The following PIBF1 variants were observed in gnomAD, a reference collection of about 807,000 sequenced individuals.
PIBF1 encodes progesterone-induced-blocking factor 1.
In PIBF1, 90 loss-of-function variants were observed where a neutral mutation model predicts 112.5. The ratio of observed to expected loss-of-function variants is 0.80; its 90% confidence interval spans 0.67 to 0.95. The LOEUF (loss-of-function observed/expected upper bound fraction) is 0.95. Ranked by LOEUF, PIBF1 falls within the 40% of genes least tolerant of loss-of-function variation. PIBF1 has a pLI of 0.00. For missense variants in PIBF1, 915 were observed against 852.3 expected (o/e 1.07, Z -0.92); for synonymous variants, 301 against 288.6 (o/e 1.04, Z -0.44).
chr13:72,985,562 A>C (rs2043262403), intron 16 of PIBF1, among the ~76,000 whole-genome samples: 1 of 151,144 alleles, frequency 6.6e-6, no homozygotes, highest in Admixed American at 6.6e-5. Flanking sequence ...GAAAAAGAAA[A>C]AGAAAATATT....
chr13:72,845,265 T>G (rs1451537677), intron 9 of PIBF1, among the ~76,000 whole-genome samples: 1 of 152,142 alleles, frequency 6.6e-6, no homozygotes, highest in African/African-American at 2.4e-5. Flanking sequence ...CTGTGTTTGC[T>G]GAGGATGATG....
At chr13:72,937,574 C>T (rs1000947466) in intron 14 of PIBF1, among the ~76,000 whole-genome samples, 2 of 152,070 alleles carry the variant, frequency 1.3e-5, no homozygotes, top group Admixed American at 6.6e-5. Context: ...AATCCTAGCA[C>T]TTTGAGAGGC....
intron 10 of PIBF1, among the ~76,000 whole-genome samples, chr13:72,889,254 T>C (rs1329397048): frequency 2.6e-5 from 4 of 152,186 alleles, no homozygotes; most frequent in Admixed American, 2.0e-4. Flanking sequence ...CTTCTGTCCT[T>C]GTCGACTCCA....
chr13:72,971,363 A>G (rs1367432405), intron 15 of PIBF1, among the ~76,000 whole-genome samples: 1 of 152,180 alleles, frequency 6.6e-6, no homozygotes, highest in East Asian at 1.9e-4. Context: ...TTTGCCTTCA[A>G]AGTGATTCCA....
intron 12 of PIBF1, among the ~76,000 whole-genome samples, chr13:72,913,059 AT>A (rs892097641): frequency 3.8e-4 from 57 of 148,166 alleles, no homozygotes; most frequent in East Asian, 3.5e-3. Flanking sequence ...GGGGGTAAAA[AT>A]TTTTTTTTTT....
chr13:72,850,181 A>G (rs749564567), intron 9 of PIBF1, among the ~76,000 whole-genome samples: 26 of 152,184 alleles, frequency 1.7e-4, no homozygotes, highest in Non-Finnish European at 3.5e-4. Context: ...CAGAAATGTT[A>G]CCCACAAACA....
At chr13:72,847,299 T>C (rs1260313927) in intron 9 of PIBF1, among the ~76,000 whole-genome samples, 2 of 152,242 alleles carry the variant, frequency 1.3e-5, no homozygotes, top group Non-Finnish European at 2.9e-5. Flanking sequence ...CATTTTATGC[T>C]GCTATAACAG....
chr13:72,930,907 G>C (rs559145975), intron 13 of PIBF1, among the ~76,000 whole-genome samples: 23 of 152,314 alleles, frequency 1.5e-4, no homozygotes, highest in African/African-American at 5.5e-4. Flanking sequence ...CACTTTTATA[G>C]CAAGGGCTAA....
intron 9 of PIBF1, among the ~76,000 whole-genome samples, chr13:72,840,845 G>A (rs1477530604): frequency 6.6e-6 from 1 of 152,130 alleles, no homozygotes; most frequent in Non-Finnish European, 1.5e-5. Flanking sequence ...ATTTTCTAAA[G>A]AAACTGAAAT....
chr13:72,880,937 A>C (rs768510209), intron 10 of PIBF1, among the ~76,000 whole-genome samples: 1 of 152,170 alleles, frequency 6.6e-6, no homozygotes, highest in Non-Finnish European at 1.5e-5. Context: ...CAGAATCTTT[A>C]TCTCTAAAAA....
At chr13:72,851,434 G>A (rs2038149248) in intron 9 of PIBF1, among the ~76,000 whole-genome samples, 1 of 152,214 alleles carries the variant, frequency 6.6e-6, no homozygotes, top group Non-Finnish European at 1.5e-5. Flanking sequence ...TGACACCCCA[G>A]CCCCCTGCCA....
chr13:72,958,828 G>C (rs1408565365), intron 14 of PIBF1, among the ~76,000 whole-genome samples: 1 of 152,106 alleles, frequency 6.6e-6, no homozygotes, highest in Admixed American at 6.6e-5. Context: ...AATGATTTAC[G>C]TACTAATTTG....
At chr13:72,923,337 G>A (rs1409306004) in intron 13 of PIBF1, among the ~76,000 whole-genome samples, 2 of 152,148 alleles carry the variant, frequency 1.3e-5, no homozygotes, top group African/African-American at 4.8e-5. Flanking sequence ...CCTGTATTTG[G>A]CATCAAGAAG....
intron 12 of PIBF1, among the ~76,000 whole-genome samples, chr13:72,914,298 T>A (rs1211902164): frequency 6.6e-6 from 1 of 152,160 alleles, no homozygotes; most frequent in Non-Finnish European, 1.5e-5. Flanking sequence ...ATTTGGATAT[T>A]TGAGTTTAGT....
At chr13:72,857,122 A>G (rs1307203319) in intron 10 of PIBF1, among the ~76,000 whole-genome samples, 2 of 152,194 alleles carry the variant, frequency 1.3e-5, no homozygotes, top group African/African-American at 4.8e-5. Flanking sequence ...TGTGGCTTAT[A>G]TGGAAAAATT....
intron 9 of PIBF1, among the ~76,000 whole-genome samples, chr13:72,839,171 C>T (rs1238036019): frequency 6.6e-6 from 1 of 152,056 alleles, no homozygotes; most frequent in Non-Finnish European, 1.5e-5. Flanking sequence ...GAGGTTATTT[C>T]CATTATCCAG....
chr13:72,869,849 C>T (rs2039089853), intron 10 of PIBF1, among the ~76,000 whole-genome samples: 1 of 151,822 alleles, frequency 6.6e-6, no homozygotes, highest in South Asian at 2.1e-4. Flanking sequence ...TGATAGAGAC[C>T]ACTAGAGCAG....
At chr13:73,005,360 G>A (rs1341110507) in intron 17 of PIBF1, among the ~76,000 whole-genome samples, 1 of 151,130 alleles carries the variant, frequency 6.6e-6, no homozygotes, top group Non-Finnish European at 1.5e-5. Flanking sequence ...ATGATGCTAA[G>A]CTACTTGGGA....
chr13:72,950,810 A>AT (rs1223465037), intron 14 of PIBF1, among the ~76,000 whole-genome samples: 2 of 152,282 alleles, frequency 1.3e-5, no homozygotes, highest in Middle Eastern at 3.4e-3. Context: ...AGAAACAGAG[A>AT]TTTTTTGTCA....
Sources: gnomAD v4.1 joint callset for allele counts (sites outside exome capture counted in the v4.1 genomes callset) on GRCh38, gnomAD v4.1.1 for gene constraint, MANE v1.5 for transcripts, NCBI Gene and HGNC (gene_info 2026-07-23, HGNC 2026-07-21) for gene names.